The following CLTC variants were observed in gnomAD, a reference collection of about 807,000 sequenced individuals.
CLTC encodes the protein clathrin heavy chain 1.
Under a neutral mutation model 195.8 loss-of-function variants are expected in CLTC, and 16 were observed. The ratio of observed to expected loss-of-function variants is 0.08; its 90% CI spans 0.06 to 0.12. The LOEUF (loss-of-function observed/expected upper bound fraction) is 0.12, where lower values mean the gene tolerates loss of function less well. Ranked by LOEUF, CLTC falls within the 10% of genes least tolerant of loss-of-function variation. The pLI, the probability that CLTC is intolerant of heterozygous loss-of-function variation, is 1.00. For synonymous variants in CLTC, 667 were observed against 689.4 expected, an observed-to-expected ratio of 0.97 and a Z score of 0.51; for missense variants, 796 against 2,027.0, an observed-to-expected ratio of 0.39 and a Z score of 11.66.
intron 18 of CLTC, 86 bp downstream of exon 18, chr17:59,679,605 C>T (rs2033040436): frequency 1.6e-6 from 2 of 1,224,750 alleles, no homozygotes; most frequent in Non-Finnish European, 2.2e-6. Flanking sequence ...ATCATGTACT[C>T]AAATGGATCA....
intron 1 of CLTC, among the ~76,000 whole-genome samples, chr17:59,632,397 C>A (rs182942841): frequency 1.1e-4 from 16 of 149,494 alleles, no homozygotes; most frequent in Middle Eastern, 6.8e-3. Context: ...TTTTAGAAAC[C>A]AAAATAATTG....
chr17:59,662,810 T>TA (rs2032640224), intron 8 of CLTC, among the ~76,000 whole-genome samples: 1 of 152,124 alleles, frequency 6.6e-6, no homozygotes, highest in South Asian at 2.1e-4. Context: ...TTTGGTGGCT[T>TA]ACGCCTGTAA....
chr17:59,663,922 C>T lies in CLTC; in HGVS notation c.1449C>T (p.Asn483=), dbSNP rs781190948. ...CACTTAGTGTGTACCTAAGGGCTAACGTCCCAAATAAAGTCATTCAGTGCT... is the reference window on the plus strand; with the variant it reads ...CACTTAGTGTGTACCTAAGGGCTAATGTCCCAAATAAAGTCATTCAGTGCT... ...TLALSVYLRA[N]VPNKVIQCFA... The change falls in exon 9 of 32, where the codon AAC becomes AAT. Residue 483 remains asparagine, a synonymous_variant. Transcript: ENST00000269122. 16 of 1,613,584 alleles carry T rather than the reference C, an allele frequency of 9.9e-6. No homozygotes were observed. Among genetic ancestry groups the T allele is most frequent in the African/African-American group, 5.3e-5 (4 of 74,884 alleles).
At chr17:59,640,839 G>T (rs921086814) in intron 1 of CLTC, among the ~76,000 whole-genome samples, 2 of 151,882 alleles carry the variant, frequency 1.3e-5, no homozygotes, top group Non-Finnish European at 2.9e-5. Context: ...AATTTGACAC[G>T]GCTGGACGCC....
At chr17:59,641,706 G>T (rs1371525974) in intron 1 of CLTC, among the ~76,000 whole-genome samples, 2 of 148,810 alleles carry the variant, frequency 1.3e-5, no homozygotes, top group Non-Finnish European at 3.0e-5. Context: ...ATTTTGATTA[G>T]TACCAATACA....
At chr17:59,641,117 C>CAA (rs10667057) in intron 1 of CLTC, among the ~76,000 whole-genome samples, 82,752 of 145,212 alleles carry the variant, frequency 0.57, 26,657 homozygotes, top group Non-Finnish European at 0.74. Flanking sequence ...GACTCGGTTT[C>CAA]AAAAAAAAAA....
At position 59,684,945 on chromosome 17, in the gene CLTC, A is replaced by C. The variant is rs981213764; in HGVS notation, c.4435-111A>C. 1.3e-5 allele frequency: 10 copies of C among 753,960 alleles called. No homozygotes were observed. In the African/African-American group the frequency reaches 1.8e-4, roughly 13 times the overall value. The allele number at this position is 753,960 out of a possible 1,614,324, so 46.7% of individuals were successfully genotyped here. A position where few individuals can be genotyped will look rare whatever the true frequency, so the allele number is the denominator to read the frequency against. ...GAAAAATCATACCTTTTGATGCTTG[A>C]ATCTAGGTGTCATATTACATGTTAC... On this transcript the variant is annotated intron_variant, in intron 28 of 31. Transcript: ENST00000269122.
intron 14 of CLTC, among the ~76,000 whole-genome samples, chr17:59,669,929 C>T (rs2032809716): frequency 6.6e-6 from 1 of 152,104 alleles, no homozygotes; most frequent in South Asian, 2.1e-4. Flanking sequence ...ACTACCTGGG[C>T]TCTAGATTAA....
rs370707746 is a variant in CLTC, at chr17:59,655,817, T to A, written c.796-37T>A. Reference sequence around the variant, plus strand: ...ATGTTTTTATTTTCTGTTTGTAGATTCATTATTTTACTAAAGTGTTGATTT... The same window carrying A: ...ATGTTTTTATTTTCTGTTTGTAGATACATTATTTTACTAAAGTGTTGATTT... On this transcript the variant is annotated intron_variant, in intron 5 of 31. Coordinates refer to ENST00000269122, the MANE Select transcript of CLTC (RefSeq NM_004859.4). The A allele has an allele frequency of 8.2e-6, 12 of 1,467,544 alleles. No homozygotes were observed. In the African/African-American group the frequency reaches 1.5e-4, roughly 18 times the overall value. The allele number at this position is 1,467,544 out of a possible 1,614,324, so 90.9% of individuals were successfully genotyped here. A position where few individuals can be genotyped will look rare whatever the true frequency, so the allele number is the denominator to read the frequency against.
At chr17:59,675,265 C>A (rs2143576884) in intron 16 of CLTC, among the ~76,000 whole-genome samples, 1 of 152,174 alleles carries the variant, frequency 6.6e-6, no homozygotes, top group Non-Finnish European at 1.5e-5. Context: ...CAAAAGAGTT[C>A]CCTGTGCAAC....
chr17:59,621,069 G>A (rs2031361379), intron 1 of CLTC, among the ~76,000 whole-genome samples: 1 of 152,196 alleles, frequency 6.6e-6, no homozygotes. Flanking sequence ...TCTGAGACCT[G>A]CAGGGCTATT....
At chr17:59,633,669 AT>A (rs201950178) in intron 1 of CLTC, among the ~76,000 whole-genome samples, 2 of 48,542 alleles carry the variant, frequency 4.1e-5, no homozygotes, top group Non-Finnish European at 1.0e-4. Context: ...GGGTAGAAAG[AT>A]AACATGAATA....
chr17:59,675,032 T>A (rs1490086711), intron 16 of CLTC, among the ~76,000 whole-genome samples, 189 bp downstream of exon 16: 1 of 152,200 alleles, frequency 6.6e-6, no homozygotes, highest in Non-Finnish European at 1.5e-5. Context: ...ACATTATAGC[T>A]GTCATAGGAG....
At chr17:59,635,578 T>C (rs2031837044) in intron 1 of CLTC, among the ~76,000 whole-genome samples, 1 of 152,204 alleles carries the variant, frequency 6.6e-6, no homozygotes, top group South Asian at 2.1e-4. Flanking sequence ...AATGGAGAGT[T>C]GTCTTTAGAT....
At position 59,696,493 on chromosome 17, in the gene CLTC, A is replaced by C. The variant is rs2033427865; in HGVS notation, c.*2641A>C. On this transcript the variant is annotated 3_prime_UTR_variant, in exon 32 of 32. Transcript: ENST00000269122. The stretch of plus-strand genomic sequence containing the variant: ...TTCTTGGGGATACACTGATTTTAGA[A>C]ATTACTGTCAGTATCCTCCTAAAAG... 9.6e-6 allele frequency: 2 copies of C among 208,414 alleles called. No individual in the cohort carries two copies. The highest frequency in any genetic ancestry group is 1.4e-4 in the East Asian group (2 of 13,932). The allele number at this position is 208,414 out of a possible 1,614,324, so 12.9% of individuals were successfully genotyped here.
At chr17:59,673,555 CTT>C in intron 14 of CLTC, 90 bp from the exon 15 acceptor site, 4 of 925,688 alleles carry the variant, frequency 4.3e-6, no homozygotes, top group South Asian at 3.3e-5. Context: ...GTGAGCCTCT[CTT>C]GTTAGCGTAG....
chr17:59,677,413 A>G (rs2032990149), intron 17 of CLTC, among the ~76,000 whole-genome samples: 1 of 152,068 alleles, frequency 6.6e-6, no homozygotes, highest in African/African-American at 2.4e-5. Context: ...CACTAGCCTT[A>G]CCATTTGTGT....
rs772988240 is a variant in CLTC at position 59,682,916 on chromosome 17, G to A, written c.3775G>A (p.Ala1259Thr). ...STRTWKEVCF[A>T]CVDGKEFRLA... ...GAAATGTTTATTCTAGGTCTGCTTC[G>A]CCTGTGTAGATGGGAAAGAATTCCG... The change falls in exon 24 of 32, where the codon GCC becomes ACC. Residue 1259 changes from alanine to threonine, a missense_variant. Around this residue, in one of 9 missense-constraint regions of CLTC, gnomAD observed 102 missense variants for 317.6 expected, o/e 0.32. Transcript: ENST00000269122. This position sits in a 1 kb window ranked among gnomAD's most constrained non-coding sequence, Gnocchi z 6.8. 1 of 1,614,054 alleles carries A rather than the reference G, an allele frequency of 6.2e-7. No individual in the cohort carries two copies.
Position 59,683,829 on chromosome 17 carries a change from G to A in CLTC, c.4324-46G>A, listed in dbSNP as rs1291410928. ...ATACTTCGATAACTTTTGTCCCTGG[G>A]ACTTCAATAATGTGCTATATTTGTA... is the stretch of plus-strand genomic sequence containing the variant. On this transcript the variant is annotated intron_variant, in intron 27 of 31. Transcript: ENST00000269122. The surrounding 1 kb of genome is among the most constrained non-coding windows in gnomAD (Gnocchi z 6.1). The A allele has an allele frequency of 1.2e-6, 2 of 1,611,016 alleles. No individual in the cohort carries two copies. The highest frequency in any genetic ancestry group is 1.7e-6 in the Non-Finnish European group (2 of 1,177,562).
Sources: gnomAD v4.1 joint callset for allele counts (sites outside exome capture counted in the v4.1 genomes callset) on GRCh38, gnomAD v4.1.1 for gene constraint, gnomAD v4.1.1 regional missense constraint, Gnocchi (gnomAD v3.1) non-coding constraint, MANE v1.5 for transcripts, NCBI Gene and HGNC (gene_info 2026-07-23, HGNC 2026-07-21) for gene names.